C19orf44: variants seen among roughly 807,000 people sequenced by gnomAD.
C19orf44 encodes the protein chromosome 19 open reading frame 44.
In C19orf44, 43 loss-of-function variants were observed where a neutral mutation model predicts 50.7. The ratio of observed to expected loss-of-function variants is 0.85; its 90% CI spans 0.66 to 1.09. The LOEUF (loss-of-function observed/expected upper bound fraction) is 1.09. Ranked by LOEUF, C19orf44 falls within the 50% of genes least tolerant of loss-of-function variation. The pLI, the probability that C19orf44 is intolerant of heterozygous loss-of-function variation, is 0.00. For missense variants in C19orf44, 722 were observed against 836.2 expected (o/e 0.86, Z 1.68); for synonymous variants, 298 against 334.7 (o/e 0.89, Z 1.20).
intron 3 of C19orf44, among the ~76,000 whole-genome samples, chr19:16,505,038 C>T (rs1254231456): frequency 9.9e-5 from 15 of 151,108 alleles, no homozygotes; most frequent in Non-Finnish European, 1.9e-4. Flanking sequence ...AGGATGGTCT[C>T]GATCTCTTGA....
rs747150057 is a variant in C19orf44 at position 16,503,050 on chromosome 19, A to G, written c.760-15A>G. 2.5e-6 allele frequency: 4 copies of G among 1,584,132 alleles called. No homozygotes were observed. The African/African-American group carries it at 5.4e-5, about 21-fold the overall frequency. ...AGTTGTCATAAGTTTGTTAATTTCA[A>G]GTGTTTTATATCAGGTCCCATCTCA... On this transcript the variant is annotated splice_polypyrimidine_tract_variant and intron_variant, in intron 2 of 8. Coordinates refer to ENST00000221671, the MANE Select transcript of C19orf44 (RefSeq NM_032207.4).
chr19:16,502,152 T>C (rs2093427283), intron 2 of C19orf44, among the ~76,000 whole-genome samples: 1 of 151,842 alleles, frequency 6.6e-6, no homozygotes. Flanking sequence ...TCAGGTGATT[T>C]GCCTACCTCA....
chr19:16,514,375 C>T, intron 6 of C19orf44, 122 bp from the exon 7 acceptor site: 1 of 1,054,042 alleles, frequency 9.5e-7, no homozygotes, highest in Non-Finnish European at 1.3e-6. Context: ...CAGAGCGAGA[C>T]CCTGTCTCCA....
At chr19:16,504,067 G>A (rs145906437) in intron 3 of C19orf44, among the ~76,000 whole-genome samples, 1 of 152,140 alleles carries the variant, frequency 6.6e-6, no homozygotes, top group Non-Finnish European at 1.5e-5. Flanking sequence ...AGTCCCAGCT[G>A]CTGGGGAGGC....
chr19:16,519,827 G>A lies in C19orf44; in HGVS notation c.*41-267G>A. The A allele has an allele frequency of 3.2e-6, 3 of 938,442 alleles. No homozygotes were observed. Among genetic ancestry groups the A allele is most frequent in the South Asian group, 2.7e-5 (2 of 73,996 alleles). 58.1% of individuals were successfully genotyped at this position (938,442 alleles called of 1,614,324 possible). A position where few individuals can be genotyped will look rare whatever the true frequency, so the allele number is the denominator to read the frequency against. On this transcript the variant is annotated intron_variant, in intron 8 of 8. Transcript: ENST00000221671. This position sits in a 1 kb window ranked among gnomAD's most constrained non-coding sequence, Gnocchi z 6.0. ...GCGTGCATGCTCACTGTCACCAGGT[G>A]ACACCGTATGCAGATTTTGCGTCTC...
chr19:16,504,894 C>T (rs2093436330), intron 3 of C19orf44, among the ~76,000 whole-genome samples: 1 of 151,628 alleles, frequency 6.6e-6, no homozygotes, highest in South Asian at 2.1e-4. Flanking sequence ...TCTCGGCTCA[C>T]TGTAACCTCC....
chr19:16,519,453 G>A lies in C19orf44; in HGVS notation c.*41-641G>A. 1 of 1,363,484 alleles carries A rather than the reference G, an allele frequency of 7.3e-7. No individual in the cohort carries two copies. Among genetic ancestry groups the A allele is most frequent in the Non-Finnish European group, 1.0e-6 (1 of 984,734 alleles). 84.5% of individuals were successfully genotyped at this position (1,363,484 alleles called of 1,614,324 possible). On this transcript the variant is annotated intron_variant, in intron 8 of 8. Transcript: ENST00000221671. This position sits in a 1 kb window ranked among gnomAD's most constrained non-coding sequence, Gnocchi z 6.0. ...GACAGGCAGTGTAGACATGGGAAAT[G>A]GGTAGAGAGAACCCGCAGGCCGGCC...
chr19:16,509,373 G>A (rs2093449740), intron 4 of C19orf44, 126 bp from the exon 5 acceptor site: 6 of 1,295,418 alleles, frequency 4.6e-6, no homozygotes, highest in Non-Finnish European at 6.4e-6. Context: ...CACATCTAAT[G>A]AGGACCTGGT....
rs756215004 is a variant in C19orf44 at position 16,520,124 on chromosome 19, C to T, written c.*71C>T. ...CACCGCAGCTTCCCAGAGTTACCAG[C>T]GCAGCACTTAAGACAGGATCTTACG... On this transcript the variant is annotated 3_prime_UTR_variant, in exon 9 of 9. Transcript: ENST00000221671. This position sits in a 1 kb window ranked among gnomAD's most constrained non-coding sequence, Gnocchi z 4.0. The T allele has an allele frequency of 1.8e-5, 29 of 1,601,548 alleles. No individual in the cohort carries two copies. Among genetic ancestry groups the T allele is most frequent in the Admixed American group, 1.7e-4 (10 of 59,802 alleles).
chr19:16,520,172 T>C lies in C19orf44; in HGVS notation c.*119T>C. ...ACGGCGGGGTGGGGCTCCTGGACCG[T>C]GACCGGCGTCTTCTTCCTGGGGAGT... is the stretch of plus-strand genomic sequence containing the variant. On this transcript the variant is annotated 3_prime_UTR_variant, in exon 9 of 9. Coordinates refer to ENST00000221671, the MANE Select transcript of C19orf44 (RefSeq NM_032207.4). This position sits in a 1 kb window ranked among gnomAD's most constrained non-coding sequence, Gnocchi z 4.0. 1 of 1,612,508 alleles carries C rather than the reference T, an allele frequency of 6.2e-7. No individual in the cohort carries two copies. Among genetic ancestry groups the C allele is most frequent in the Admixed American group, 1.7e-5 (1 of 60,010 alleles).
At chr19:16,502,537 T>C (rs2093428548) in intron 2 of C19orf44, among the ~76,000 whole-genome samples, 1 of 152,106 alleles carries the variant, frequency 6.6e-6, no homozygotes, top group Admixed American at 6.6e-5. Flanking sequence ...ACGCCCAGCC[T>C]TGTGGAATTA....
Position 16,509,594 on chromosome 19 carries a change from C to T in C19orf44, c.1245C>T (p.Ser415=). Residue 415 remains serine, a synonymous_variant, in exon 5 of 9, where the codon AGC becomes AGT. Transcript: ENST00000221671. The part of the protein sequence containing the change: ...QDAPRQAQAR[S]WASQGKAASA... Reference sequence around the variant, plus strand: ...CCCCGAGGCAGGCCCAGGCGAGGAGCTGGGCATCACAGGGAAAGGCCGCCT... The same window carrying T: ...CCCCGAGGCAGGCCCAGGCGAGGAGTTGGGCATCACAGGGAAAGGCCGCCT... The T allele has an allele frequency of 6.2e-7, 1 of 1,614,172 alleles. No individual in the cohort carries two copies. Among genetic ancestry groups the T allele is most frequent in the Non-Finnish European group, 8.5e-7 (1 of 1,179,994 alleles).
chr19:16,514,180 G>C (rs1057039659), intron 6 of C19orf44, among the ~76,000 whole-genome samples: 1 of 151,228 alleles, frequency 6.6e-6, no homozygotes, highest in African/African-American at 2.4e-5. Flanking sequence ...TTTTAGTAGA[G>C]ATGGGGTTTC....
At chr19:16,517,496 G>T (rs961364556) in intron 8 of C19orf44, among the ~76,000 whole-genome samples, 155 bp downstream of exon 8, 2 of 152,192 alleles carry the variant, frequency 1.3e-5, no homozygotes, top group Non-Finnish European at 2.9e-5. Flanking sequence ...CCATGGTGGG[G>T]CAGGTGGTGC....
intron 8 of C19orf44, chr19:16,518,159 A>G (rs1414595232): frequency 6.6e-6 from 1 of 152,130 alleles, no homozygotes; most frequent in African/African-American, 2.4e-5. Flanking sequence ...GCCGATTCCC[A>G]ACGGTCACCC....
chr19:16,509,284 T>G (rs1339000405), intron 4 of C19orf44, among the ~76,000 whole-genome samples: 1 of 152,124 alleles, frequency 6.6e-6, no homozygotes, highest in Non-Finnish European at 1.5e-5. Context: ...TAAGCATGCG[T>G]CACACCATCA....
At chr19:16,517,127 C>T in intron 7 of C19orf44, 103 bp from the exon 8 acceptor site, 1 of 1,053,880 alleles carries the variant, frequency 9.5e-7, no homozygotes, top group Non-Finnish European at 1.4e-6. Context: ...CTGACAGGAG[C>T]CTGCTGGGGA....
chr19:16,502,563 A>G (rs2093428607), intron 2 of C19orf44, among the ~76,000 whole-genome samples: 1 of 152,050 alleles, frequency 6.6e-6, no homozygotes, highest in Non-Finnish European at 1.5e-5. Context: ...TACTCCCAAC[A>G]TTATCTTACC....
In C19orf44 at chr19:16,520,995, C is replaced by T; in HGVS notation, c.*942C>T. On this transcript the variant is annotated 3_prime_UTR_variant, in exon 9 of 9. Transcript: ENST00000221671. The surrounding 1 kb of genome is among the most constrained non-coding windows in gnomAD (Gnocchi z 4.0). ...GAAAAAGTCATCAGGAGTTAATCCA[C>T]AGAACCTTGGAGAGTACATGGCCCT... The T allele has an allele frequency of 1.6e-6, 2 of 1,220,822 alleles. No homozygotes were observed. Among genetic ancestry groups the T allele is most frequent in the East Asian group, 2.3e-5 (1 of 43,076 alleles). The allele number at this position is 1,220,822 out of a possible 1,614,324, so 75.6% of individuals were successfully genotyped here. A position where few individuals can be genotyped will look rare whatever the true frequency, so the allele number is the denominator to read the frequency against.
Sources: allele counts gnomAD v4.1 joint callset (sites outside exome capture counted in the v4.1 genomes callset), GRCh38; gene constraint gnomAD v4.1.1; non-coding constraint Gnocchi (gnomAD v3.1); transcripts MANE v1.5; gene names NCBI Gene and HGNC (gene_info 2026-07-23, HGNC 2026-07-21).